The following ARRB1 variants were observed in gnomAD, a reference collection of about 807,000 sequenced individuals.
The protein encoded by ARRB1 is arrestin beta 1.
In ARRB1, 21 loss-of-function variants were observed where a neutral mutation model predicts 56.8. The observed-to-expected ratio is 0.37, with a 90% CI of 0.26 to 0.53. The LOEUF (loss-of-function observed/expected upper bound fraction) is 0.53. ARRB1 is among the 20% of genes least tolerant of loss of function. The pLI is 0.88. For missense variants in ARRB1, 424 were observed against 553.7 expected (o/e 0.77, Z 2.35); for synonymous variants, 210 against 218.6 (o/e 0.96, Z 0.35).
At chr11:75,343,118 T>C (rs1422578811) in intron 1 of ARRB1, among the ~76,000 whole-genome samples, 1 of 152,146 alleles carries the variant, frequency 6.6e-6, no homozygotes, top group Non-Finnish European at 1.5e-5. Context: ...GACAAGCAGA[T>C]CCAGGGTGCT....
At chr11:75,335,715 GCCTGGGCTGGAAT>G (rs528194373) in intron 1 of ARRB1, among the ~76,000 whole-genome samples, 3 of 152,178 alleles carry the variant, frequency 2.0e-5, no homozygotes, top group Non-Finnish European at 4.4e-5. Context: ...AGCCTTCCAT[GCCTGGGCTGGAAT>G]CCTGGGCCTG....
intron 1 of ARRB1, among the ~76,000 whole-genome samples, chr11:75,326,733 T>C (rs1164198509): frequency 6.7e-6 from 1 of 149,370 alleles, no homozygotes; most frequent in East Asian, 2.0e-4. Flanking sequence ...TCTTTTTTTT[T>C]TTTTTTTTTT....
chr11:75,336,243 G>A (rs1036715124), intron 1 of ARRB1, among the ~76,000 whole-genome samples: 9 of 152,252 alleles, frequency 5.9e-5, no homozygotes, highest in South Asian at 2.1e-4. Flanking sequence ...AGAATCAACC[G>A]TGCCCTCTCT....
At chr11:75,296,087 G>T (rs779280033) in intron 1 of ARRB1, among the ~76,000 whole-genome samples, 4 of 150,362 alleles carry the variant, frequency 2.7e-5, no homozygotes, top group Non-Finnish European at 5.9e-5. Flanking sequence ...TCAGGAGGCT[G>T]AGGCATGAGA....
At chr11:75,347,899 T>A (rs1377928962) in intron 1 of ARRB1, among the ~76,000 whole-genome samples, 1 of 152,190 alleles carries the variant, frequency 6.6e-6, no homozygotes, top group Non-Finnish European at 1.5e-5. Flanking sequence ...CTATCCTCTC[T>A]GCAGCCTAAG....
At chr11:75,273,893 T>G (rs1399594677) in intron 11 of ARRB1, among the ~76,000 whole-genome samples, 181 bp downstream of exon 11, 3 of 152,084 alleles carry the variant, frequency 2.0e-5, no homozygotes, top group African/African-American at 7.2e-5. Flanking sequence ...CAGTCACCCC[T>G]GGGTAGGGTT....
At chr11:75,283,038 C>T (rs928846554) in intron 5 of ARRB1, among the ~76,000 whole-genome samples, 1 of 152,220 alleles carries the variant, frequency 6.6e-6, no homozygotes, top group Non-Finnish European at 1.5e-5. Flanking sequence ...CACCCCCTTT[C>T]TCCCACCAAT....
chr11:75,303,818 T>C (rs1946960824), intron 1 of ARRB1: 3 of 404,362 alleles, frequency 7.4e-6, no homozygotes, highest in Admixed American at 5.2e-5. Flanking sequence ...CCCCTGAGCA[T>C]CCAAACAGGG....
Position 75,287,322 on chromosome 11 carries a change from G to A in ARRB1, c.105C>T (p.Asp35=). The change falls in exon 3 of 16, where the codon GAC becomes GAT. Residue 35 remains aspartate, a synonymous_variant. Coordinates refer to ENST00000420843, the MANE Select transcript of ARRB1 (RefSeq NM_004041.5). ...RDFVDHIDLV[D]PVDGVVLVDP... The stretch of plus-strand genomic sequence containing the variant: ...CGCCCTCCAGGGACTCACCCACAGG[G>A]TCCACGAGGTCGATGTGGTCCACAA... 6.4e-7 allele frequency: 1 copy of A among 1,555,892 alleles called. No homozygotes were observed. Among genetic ancestry groups the A allele is most frequent in the East Asian group, 2.4e-5 (1 of 41,268 alleles).
chr11:75,278,866 C>T (rs1157822578), intron 7 of ARRB1, 122 bp from the exon 8 acceptor site: 4 of 1,354,116 alleles, frequency 3.0e-6, no homozygotes, highest in African/African-American at 1.5e-5. Flanking sequence ...CCTTAGAATC[C>T]AGCCAAACTG....
intron 1 of ARRB1, among the ~76,000 whole-genome samples, chr11:75,334,069 C>T (rs1329933284): frequency 6.6e-6 from 1 of 152,200 alleles, no homozygotes; most frequent in East Asian, 1.9e-4. Context: ...CGGTGGCTCA[C>T]GCTTGTAATC....
chr11:75,274,460 A>C, intron 10 of ARRB1: 1 of 504,618 alleles, frequency 2.0e-6, no homozygotes, highest in African/African-American at 1.9e-5. Flanking sequence ...AGATTATCCT[A>C]GTCAAGCAGC....
chr11:75,271,660 T>C (rs1244546074), intron 13 of ARRB1, 41 bp downstream of exon 13: 1 of 1,550,618 alleles, frequency 6.4e-7, no homozygotes, highest in Admixed American at 2.0e-5. Flanking sequence ...CTCCAGGCCC[T>C]CCAGGAAGGT....
chr11:75,283,165 C>T, intron 5 of ARRB1, 122 bp downstream of exon 5: 1 of 1,030,832 alleles, frequency 9.7e-7, no homozygotes. Context: ...CAGGTCCCAG[C>T]ATACACTGGG....
At chr11:75,341,382 C>T (rs545252989) in intron 1 of ARRB1, among the ~76,000 whole-genome samples, 19 of 152,298 alleles carry the variant, frequency 1.2e-4, no homozygotes, top group African/African-American at 4.3e-4. Flanking sequence ...AGGTCATCTG[C>T]CCACCTCAGC....
chr11:75,269,895 G>A (rs751435308), intron 13 of ARRB1, among the ~76,000 whole-genome samples: 4 of 152,208 alleles, frequency 2.6e-5, no homozygotes, highest in East Asian at 1.9e-4. Context: ...GGCTCCTCTC[G>A]GCTTGGGGTG....
At position 75,281,065 on chromosome 11, in the gene ARRB1, T is replaced by C. The variant is rs1383914906; in HGVS notation, c.482+10A>G. 1 of 1,598,944 alleles carries C rather than the reference T, an allele frequency of 6.3e-7. No individual in the cohort carries two copies. On this transcript the variant is annotated intron_variant, in intron 7 of 15. Coordinates refer to ENST00000420843, the MANE Select transcript of ARRB1 (RefSeq NM_004041.5). Reference sequence around the variant, plus strand: ...CCAGCAGGCGGCCCACACCCTGGCATCCTACTCACCGCTTGTGGATCTTCT... The same window carrying C: ...CCAGCAGGCGGCCCACACCCTGGCACCCTACTCACCGCTTGTGGATCTTCT...
chr11:75,347,603 C>T lies in ARRB1; in HGVS notation c.20+3985G>A, dbSNP rs76469252. Among the ~76,000 whole-genome samples, 703 of 152,310 alleles carry T rather than the reference C, an allele frequency of 4.6e-3. 1 individual carries two copies. Among genetic ancestry groups the T allele is most frequent in the African/African-American group, 0.016 (670 of 41,564 alleles). Reference sequence around the variant, plus strand: ...GAGGCCAACTGTGAGCCAGACAAGGCCCCCTCTCTTGGGCAAAAGCGTCGA... The same window carrying T: ...GAGGCCAACTGTGAGCCAGACAAGGTCCCCTCTCTTGGGCAAAAGCGTCGA... On this transcript the variant is annotated intron_variant, in intron 1 of 15. Transcript: ENST00000420843.
At chr11:75,269,513 C>A (rs1445753840) in intron 13 of ARRB1, among the ~76,000 whole-genome samples, 1 of 152,184 alleles carries the variant, frequency 6.6e-6, no homozygotes, top group Non-Finnish European at 1.5e-5. Context: ...GGCCCCAGGG[C>A]CCAAGGCTGA....
Sources: gnomAD v4.1 joint callset for allele counts (sites outside exome capture counted in the v4.1 genomes callset) on GRCh38, gnomAD v4.1.1 for gene constraint, MANE v1.5 for transcripts, NCBI Gene and HGNC (gene_info 2026-07-23, HGNC 2026-07-21) for gene names.